Variants in KCNIP3 observed in about 807,000 individuals in gnomAD.
The protein encoded by KCNIP3 is calsenilin.
A neutral mutation model predicts 35.0 loss-of-function variants in KCNIP3; 28 were observed. That is an observed-to-expected ratio of 0.80 (90% CI 0.59 to 1.10). KCNIP3 has a LOEUF of 1.10. Ranked by LOEUF, KCNIP3 falls within the 50% of genes least tolerant of loss-of-function variation. The pLI, the probability that KCNIP3 is intolerant of heterozygous loss-of-function variation, is 0.00. For synonymous variants in KCNIP3, 134 were observed against 133.8 expected, an observed-to-expected ratio of 1.00 and a Z score of -0.01; for missense variants, 295 against 338.4, an observed-to-expected ratio of 0.87 and a Z score of 1.01.
rs1678278547 is a variant in KCNIP3, at chr2:95,310,328, G to A, written c.16-27G>A. The A allele has an allele frequency of 8.1e-6, 13 of 1,612,950 alleles. No homozygotes were observed. In the East Asian group the frequency reaches 2.9e-4, roughly 36 times the overall value. On this transcript the variant is annotated intron_variant, in intron 1 of 8. Coordinates refer to ENST00000295225, the MANE Select transcript of KCNIP3 (RefSeq NM_013434.5). Reference sequence around the variant, plus strand: ...GGTCCCCCCTCTGAGCAGGGGCTCAGGGCTGCTCTGCCTGTTCCTACTGCA... The same window carrying A: ...GGTCCCCCCTCTGAGCAGGGGCTCAAGGCTGCTCTGCCTGTTCCTACTGCA...
intron 2 of KCNIP3, among the ~76,000 whole-genome samples, chr2:95,357,038 C>T (rs1486338556): frequency 5.3e-5 from 8 of 152,192 alleles, no homozygotes; most frequent in Non-Finnish European, 8.8e-5. Context: ...CTGCAGGAGA[C>T]AGTGTGGGCT....
intron 5 of KCNIP3, among the ~76,000 whole-genome samples, 182 bp from the exon 6 acceptor site, chr2:95,381,414 C>T (rs1419170951): frequency 6.6e-6 from 1 of 152,194 alleles, no homozygotes; most frequent in African/African-American, 2.4e-5. Flanking sequence ...GGTGCACACC[C>T]GTGCATGCGC....
At chr2:95,351,707 C>T (rs1471656085) in intron 2 of KCNIP3, among the ~76,000 whole-genome samples, 1 of 152,220 alleles carries the variant, frequency 6.6e-6, no homozygotes, top group Admixed American at 6.5e-5. Flanking sequence ...GCAGGGACCT[C>T]CCTGGCTCAT....
intron 2 of KCNIP3, among the ~76,000 whole-genome samples, chr2:95,323,864 T>G (rs1406862987): frequency 1.3e-5 from 2 of 151,974 alleles, no homozygotes; most frequent in Non-Finnish European, 2.9e-5. Context: ...AGGCAGATGG[T>G]TTTGTCTAGG....
intron 2 of KCNIP3, among the ~76,000 whole-genome samples, chr2:95,323,646 C>T (rs117591660): frequency 2.6e-5 from 4 of 152,178 alleles, no homozygotes; most frequent in Non-Finnish European, 4.4e-5. Context: ...GTTCCCACCC[C>T]GTCACAACTT....
At chr2:95,304,182 G>A (rs778550090) in intron 1 of KCNIP3, among the ~76,000 whole-genome samples, 2 of 152,128 alleles carry the variant, frequency 1.3e-5, no homozygotes, top group African/African-American at 4.8e-5. Flanking sequence ...TGCCTTTACC[G>A]TTTTGCTGTA....
In KCNIP3 at chr2:95,325,803, A is replaced by G. The variant is rs372337839; in HGVS notation, c.181+15283A>G. ...CACACTCATACACACTCATACACAC[A>G]TACACTCATACACACATACACATAC... On this transcript the variant is annotated intron_variant, in intron 2 of 8. Transcript: ENST00000295225. Among the ~76,000 whole-genome samples, 47 of 151,378 alleles carry G rather than the reference A, an allele frequency of 3.1e-4. 1 individual carries two copies. Among genetic ancestry groups the G allele is most frequent in the African/African-American group, 1.1e-3 (45 of 41,330 alleles).
At chr2:95,309,075 T>A (rs1298120827) in intron 1 of KCNIP3, among the ~76,000 whole-genome samples, 1 of 151,736 alleles carries the variant, frequency 6.6e-6, no homozygotes, top group Admixed American at 6.6e-5. Flanking sequence ...CAGCTAGAGG[T>A]CAGGCAGTGC....
chr2:95,339,417 C>CA (rs1229312347), intron 2 of KCNIP3, among the ~76,000 whole-genome samples: 3 of 151,768 alleles, frequency 2.0e-5, no homozygotes, highest in East Asian at 1.9e-4. Flanking sequence ...CCGTCTCTAC[C>CA]AAAAAAACAC....
intron 1 of KCNIP3, among the ~76,000 whole-genome samples, chr2:95,300,298 T>G (rs3772044): frequency 0.77 from 117,704 of 152,144 alleles, 46,072 homozygotes; most frequent in African/African-American, 0.88. Context: ...AGCTAGGAAG[T>G]AAAGGACCCC....
At chr2:95,352,204 A>G (rs1449526898) in intron 2 of KCNIP3, among the ~76,000 whole-genome samples, 4 of 152,198 alleles carry the variant, frequency 2.6e-5, no homozygotes, top group Admixed American at 2.0e-4. Flanking sequence ...CAGTTTGCCA[A>G]GATCACGCCA....
intron 2 of KCNIP3, chr2:95,368,807 C>A: frequency 8.7e-6 from 2 of 230,516 alleles, no homozygotes; most frequent in East Asian, 1.0e-4. Flanking sequence ...AAGCCTACAC[C>A]TTTGATGACC....
At chr2:95,298,881 A>G (rs1188260927) in intron 1 of KCNIP3, 1 of 152,266 alleles carries the variant, frequency 6.6e-6, no homozygotes, top group Non-Finnish European at 1.5e-5. Context: ...AACCGTGCCC[A>G]TAGGCAGAGA....
Position 95,384,190 on chromosome 2 carries a change from A to T in KCNIP3, c.*141A>T. On this transcript the variant is annotated 3_prime_UTR_variant, in exon 9 of 9. Transcript: ENST00000295225. ...TTGCTACACACACACACACACACAC[A>T]CACACACACACACACAGCCATTCAT... 2 of 658,908 alleles carry T rather than the reference A, an allele frequency of 3.0e-6. No homozygotes were observed. The highest frequency in any genetic ancestry group is 5.5e-6 in the Non-Finnish European group (2 of 366,214). The allele number at this position is 658,908 out of a possible 1,614,324, so 40.8% of individuals were successfully genotyped here.
chr2:95,302,497 C>T (rs551886972), intron 1 of KCNIP3, among the ~76,000 whole-genome samples: 17 of 152,310 alleles, frequency 1.1e-4, no homozygotes, highest in East Asian at 7.7e-4. Flanking sequence ...CAGCTGAGAG[C>T]GGCACATTGG....
Position 95,383,918 on chromosome 2 carries a change from G to A in KCNIP3, c.724-84G>A, listed in dbSNP as rs182417798. The A allele has an allele frequency of 2.2e-4, 261 of 1,188,254 alleles. No homozygotes were observed. In the East Asian group the frequency reaches 4.9e-3, roughly 22 times the overall value. 73.6% of individuals were successfully genotyped at this position (1,188,254 alleles called of 1,614,324 possible). A position where few individuals can be genotyped will look rare whatever the true frequency, so the allele number is the denominator to read the frequency against. ...CAGACAGGCAGTCGCTGCAGGCTCCGAGTCCCTGGCGGGAATCTGCTCAAG... is the reference window on the plus strand; with the variant it reads ...CAGACAGGCAGTCGCTGCAGGCTCCAAGTCCCTGGCGGGAATCTGCTCAAG... On this transcript the variant is annotated intron_variant, in intron 8 of 8. Coordinates refer to ENST00000295225, the MANE Select transcript of KCNIP3 (RefSeq NM_013434.5).
intron 1 of KCNIP3, among the ~76,000 whole-genome samples, chr2:95,297,731 G>C (rs1677907627): frequency 2.6e-5 from 4 of 152,062 alleles, no homozygotes; most frequent in Non-Finnish European, 1.5e-5. Flanking sequence ...GGATGGGAGA[G>C]GTTTATAAGT....
In KCNIP3 at chr2:95,347,201, CG is replaced by C; in HGVS notation, c.182-27091del. The C allele has an allele frequency of 4.7e-6, 6 of 1,272,956 alleles. No individual in the cohort carries two copies. In the South Asian group the frequency reaches 6.5e-5, roughly 14 times the overall value. The allele number at this position is 1,272,956 out of a possible 1,614,324, so 78.9% of individuals were successfully genotyped here. On this transcript the variant is annotated intron_variant, in intron 2 of 8. Transcript: ENST00000295225. ...GAGGGAGGGACCAGTACCCGCACGCCGGGGTGCACTGGTCTGGCGAGGAGCG... is the reference window on the plus strand; with the variant it reads ...GAGGGAGGGACCAGTACCCGCACGCCGGGTGCACTGGTCTGGCGAGGAGCG...
intron 2 of KCNIP3, among the ~76,000 whole-genome samples, chr2:95,338,688 A>G (rs995753150): frequency 6.6e-5 from 10 of 152,216 alleles, no homozygotes; most frequent in Non-Finnish European, 1.3e-4. Context: ...CAATTCCAAC[A>G]AGATAAGGAG....
Sources: gnomAD v4.1 joint callset for allele counts (sites outside exome capture counted in the v4.1 genomes callset) on GRCh38, gnomAD v4.1.1 for gene constraint, MANE v1.5 for transcripts, NCBI Gene and HGNC (gene_info 2026-07-23, HGNC 2026-07-21) for gene names.